Variants in WDR70 observed in about 807,000 individuals in gnomAD.
WDR70 encodes WD repeat-containing protein 70.
In WDR70, 53 loss-of-function variants were observed where a neutral mutation model predicts 88.6. The ratio of observed to expected loss-of-function variants is 0.60; its 90% CI spans 0.48 to 0.75. The LOEUF (loss-of-function observed/expected upper bound fraction) is 0.75, where lower values mean the gene tolerates loss of function less well. WDR70 is among the 30% of genes least tolerant of loss of function. WDR70 has a pLI of 0.00. For synonymous variants in WDR70, 280 were observed against 270.0 expected, an observed-to-expected ratio of 1.04 and a Z score of -0.36; for missense variants, 610 against 823.2, an observed-to-expected ratio of 0.74 and a Z score of 3.17.
chr5:37,737,765 A>G (rs1247589008), intron 17 of WDR70, among the ~76,000 whole-genome samples: 1 of 152,298 alleles, frequency 6.6e-6, no homozygotes, highest in Non-Finnish European at 1.5e-5. Context: ...GTGATAAGGT[A>G]GCTAATGGCA....
At chr5:37,405,464 C>A (rs1452066874) in intron 5 of WDR70, among the ~76,000 whole-genome samples, 2 of 151,960 alleles carry the variant, frequency 1.3e-5, no homozygotes, top group African/African-American at 4.8e-5. Flanking sequence ...ATTCTCCTGC[C>A]TCAGCCTCCC....
At position 37,537,986 on chromosome 5, in the gene WDR70, A is replaced by G. The variant is rs137874419; in HGVS notation, c.917+21396A>G. On this transcript the variant is annotated intron_variant, in intron 9 of 17. Coordinates refer to ENST00000265107, the MANE Select transcript of WDR70 (RefSeq NM_018034.4). ...AGGGCCTTTGGGCAAAATTCACTCT[A>G]TATTTCTTAGAGAATCTTATATATC... Among the ~76,000 whole-genome samples, 6 of 152,276 alleles carry G rather than the reference A, an allele frequency of 3.9e-5. No individual in the cohort carries two copies. In the East Asian group the frequency reaches 9.6e-4, roughly 24 times the overall value.
chr5:37,598,553 T>C (rs911962821), intron 9 of WDR70, among the ~76,000 whole-genome samples: 16 of 152,190 alleles, frequency 1.1e-4, no homozygotes, highest in Non-Finnish European at 1.9e-4. Context: ...CAGTGGTATA[T>C]TAACAGATTG....
At chr5:37,403,494 GAAAAC>G (rs1199372889) in intron 5 of WDR70, among the ~76,000 whole-genome samples, 2 of 152,202 alleles carry the variant, frequency 1.3e-5, no homozygotes, top group Admixed American at 1.3e-4. Flanking sequence ...CTAAATGAGG[GAAAAC>G]ACCACCACAG....
At chr5:37,415,616 C>T (rs1317002276) in intron 5 of WDR70, among the ~76,000 whole-genome samples, 1 of 94,540 alleles carries the variant, frequency 1.1e-5, no homozygotes, top group Non-Finnish European at 2.6e-5. Context: ...GAGGGGCTGA[C>T]CCCCCCCACC....
At chr5:37,727,274 G>A (rs546143781) in intron 17 of WDR70, among the ~76,000 whole-genome samples, 1 of 152,244 alleles carries the variant, frequency 6.6e-6, no homozygotes, top group East Asian at 1.9e-4. Flanking sequence ...GTAGCATAGT[G>A]TAAACCATTA....
rs373140866 is a variant in WDR70, at chr5:37,429,213, T to C, written c.493-8709T>C. On this transcript the variant is annotated intron_variant, in intron 5 of 17. Coordinates refer to ENST00000265107, the MANE Select transcript of WDR70 (RefSeq NM_018034.4). Reference sequence around the variant, plus strand: ...ATTAGGTTGCCTTTTTATTGAGTTTTAGAGTTTAGAGTTTATTTTGAGCTT... The same window carrying C: ...ATTAGGTTGCCTTTTTATTGAGTTTCAGAGTTTAGAGTTTATTTTGAGCTT... Among the ~76,000 whole-genome samples the C allele has an allele frequency of 2.6e-5, 4 of 152,208 alleles. No homozygotes were observed. In the South Asian group the frequency reaches 6.2e-4, roughly 24 times the overall value.
intron 9 of WDR70, among the ~76,000 whole-genome samples, chr5:37,561,664 G>C (rs190960862): frequency 6.6e-6 from 1 of 152,140 alleles, no homozygotes; most frequent in Non-Finnish European, 1.5e-5. Flanking sequence ...AGGCCATGTC[G>C]TTATGAGGGT....
intron 8 of WDR70, among the ~76,000 whole-genome samples, chr5:37,509,839 T>C (rs141834820): frequency 2.1e-4 from 31 of 150,724 alleles, no homozygotes; most frequent in Non-Finnish European, 4.1e-4. Context: ...GCAACCAGAA[T>C]ATTTTTTAAA....
intron 17 of WDR70, among the ~76,000 whole-genome samples, chr5:37,738,011 C>T (rs72743200): frequency 0.032 from 4,657 of 147,120 alleles, 98 homozygotes; most frequent in Middle Eastern, 0.11. Flanking sequence ...CATCTTGTTG[C>T]CTAGTGTGCC....
chr5:37,524,310 A>G (rs1000997984), intron 9 of WDR70, among the ~76,000 whole-genome samples: 2 of 152,228 alleles, frequency 1.3e-5, no homozygotes, highest in Non-Finnish European at 2.9e-5. Context: ...GCCAGAAGAG[A>G]GTGGGGGTCA....
At chr5:37,460,941 C>CGTTTCATCTT (rs1479246400) in intron 7 of WDR70, among the ~76,000 whole-genome samples, 1 of 151,434 alleles carries the variant, frequency 6.6e-6, no homozygotes, top group East Asian at 1.9e-4. Flanking sequence ...TTTTGACTTG[C>CGTTTCATCTT]GTTTCATCTT....
At chr5:37,564,087 G>A (rs1367240654) in intron 9 of WDR70, among the ~76,000 whole-genome samples, 8 of 149,862 alleles carry the variant, frequency 5.3e-5, no homozygotes, top group Non-Finnish European at 7.4e-5. Flanking sequence ...GACGATGGGC[G>A]GCCAGGCAGA....
At chr5:37,628,993 A>G (rs898009666) in intron 10 of WDR70, among the ~76,000 whole-genome samples, 1 of 152,038 alleles carries the variant, frequency 6.6e-6, no homozygotes, top group Non-Finnish European at 1.5e-5. Flanking sequence ...TTGCTTCTCT[A>G]TTGGGAGATT....
chr5:37,391,538 C>G (rs1431696791), intron 3 of WDR70, among the ~76,000 whole-genome samples: 2 of 152,168 alleles, frequency 1.3e-5, no homozygotes, highest in Non-Finnish European at 2.9e-5. Flanking sequence ...TGTGAGTGGT[C>G]TGTCTCACTT....
intron 7 of WDR70, among the ~76,000 whole-genome samples, chr5:37,471,458 C>T (rs1254360197): frequency 1.3e-5 from 2 of 149,134 alleles, no homozygotes; most frequent in African/African-American, 2.5e-5. Context: ...CCGGTGGTTG[C>T]CTTTTTTTTT....
chr5:37,397,261 C>T (rs1259577180), intron 5 of WDR70, among the ~76,000 whole-genome samples: 2 of 150,866 alleles, frequency 1.3e-5, no homozygotes, highest in Non-Finnish European at 2.9e-5. Context: ...AAATGGAGGG[C>T]AGAAAGCAAT....
chr5:37,503,256 CTT>C (rs33999680), intron 8 of WDR70, among the ~76,000 whole-genome samples: 2 of 148,388 alleles, frequency 1.3e-5, no homozygotes, highest in East Asian at 2.0e-4. Flanking sequence ...CTTTTCTTAT[CTT>C]TTTTTTTTTA....
intron 5 of WDR70, among the ~76,000 whole-genome samples, chr5:37,400,079 T>C (rs1749147204): frequency 6.6e-6 from 1 of 152,046 alleles, no homozygotes; most frequent in Non-Finnish European, 1.5e-5. Context: ...ATTACAGGCA[T>C]CTGCCACCAC....
Sources: allele counts gnomAD v4.1 joint callset (sites outside exome capture counted in the v4.1 genomes callset), GRCh38; gene constraint gnomAD v4.1.1; transcripts MANE v1.5; gene names NCBI Gene and HGNC (gene_info 2026-07-23, HGNC 2026-07-21).